The following SNTG2 variants were observed in gnomAD, a reference collection of about 807,000 sequenced individuals.
SNTG2 encodes the protein gamma-2-syntrophin.
Under a neutral mutation model 70.9 loss-of-function variants are expected in SNTG2, and 74 were observed. The ratio of observed to expected loss-of-function variants is 1.04; its 90% CI spans 0.86 to 1.27. The LOEUF (loss-of-function observed/expected upper bound fraction) is 1.27. SNTG2 is among the 50% of genes most tolerant of loss of function. The pLI, the probability that SNTG2 is intolerant of heterozygous loss-of-function variation, is 0.00. For synonymous variants in SNTG2, 278 were observed against 273.8 expected, an observed-to-expected ratio of 1.02 and a Z score of -0.15; for missense variants, 717 against 690.7, an observed-to-expected ratio of 1.04 and a Z score of -0.43.
intron 8 of SNTG2, among the ~76,000 whole-genome samples, chr2:1,192,206 C>T (rs1255366752): frequency 6.6e-6 from 1 of 152,116 alleles, no homozygotes; most frequent in Non-Finnish European, 1.5e-5. Flanking sequence ...GAGTTGGGAA[C>T]GTGGTTTCCA....
intron 9 of SNTG2, among the ~76,000 whole-genome samples, chr2:1,211,565 A>G (rs1224878745): frequency 6.6e-6 from 1 of 152,182 alleles, no homozygotes; most frequent in Non-Finnish European, 1.5e-5. Flanking sequence ...TCACAGTTCT[A>G]CATGACTGGG....
chr2:985,368 C>A (rs1377092965), intron 1 of SNTG2, among the ~76,000 whole-genome samples: 1 of 151,954 alleles, frequency 6.6e-6, no homozygotes, highest in Admixed American at 6.6e-5. Flanking sequence ...AAGATATTTT[C>A]TTCCTCTAAA....
intron 1 of SNTG2, among the ~76,000 whole-genome samples, chr2:1,046,361 G>A (rs565500129): frequency 1.3e-5 from 2 of 152,090 alleles, no homozygotes; most frequent in South Asian, 4.1e-4. Context: ...TTTACATTGA[G>A]GTTTAAGATT....
chr2:1,113,882 A>AG (rs1323853829), intron 4 of SNTG2, among the ~76,000 whole-genome samples: 18 of 149,204 alleles, frequency 1.2e-4, no homozygotes, highest in African/African-American at 4.5e-4. Flanking sequence ...CAGTCCTTTC[A>AG]GAGGGATGGT....
chr2:1,048,948 A>G (rs1014591548), intron 1 of SNTG2, among the ~76,000 whole-genome samples: 5 of 152,262 alleles, frequency 3.3e-5, no homozygotes, highest in Admixed American at 6.5e-5. Context: ...TCTATTTGTC[A>G]TCAGTCATTC....
chr2:1,259,488 CT>C, intron 13 of SNTG2, 47 bp downstream of exon 13: 1 of 1,482,434 alleles, frequency 6.7e-7, no homozygotes, highest in Admixed American at 1.7e-5. Context: ...ATAAGATGCC[CT>C]TTGGGCTTGC....
intron 1 of SNTG2, among the ~76,000 whole-genome samples, chr2:1,061,912 A>C (rs921684363): frequency 6.6e-6 from 1 of 152,232 alleles, no homozygotes; most frequent in Admixed American, 6.5e-5. Context: ...GAGATAAATA[A>C]AACAATTACT....
chr2:1,111,105 G>A (rs1464318612), intron 4 of SNTG2, among the ~76,000 whole-genome samples: 3 of 152,214 alleles, frequency 2.0e-5, no homozygotes, highest in Non-Finnish European at 4.4e-5. Flanking sequence ...CAGAGGTACA[G>A]CAGATTGAAT....
chr2:1,050,997 A>G (rs2148077914), intron 1 of SNTG2, among the ~76,000 whole-genome samples: 1 of 152,364 alleles, frequency 6.6e-6, no homozygotes, highest in South Asian at 2.1e-4. Flanking sequence ...TATTGACATA[A>G]TAAACTGATA....
chr2:1,203,397 C>G (rs544007668), intron 8 of SNTG2, among the ~76,000 whole-genome samples: 1 of 151,890 alleles, frequency 6.6e-6, no homozygotes, highest in African/African-American at 2.4e-5. Flanking sequence ...GTGGCTCACA[C>G]TTGTAATCCC....
At chr2:1,237,009 C>T (rs1676704627) in intron 9 of SNTG2, among the ~76,000 whole-genome samples, 1 of 149,028 alleles carries the variant, frequency 6.7e-6, no homozygotes, top group African/African-American at 2.5e-5. Context: ...GTGGTGTGAT[C>T]TCGGCTCACT....
chr2:1,173,018 T>C, intron 7 of SNTG2, 74 bp from the exon 8 acceptor site: 1 of 1,367,854 alleles, frequency 7.3e-7, no homozygotes, highest in Non-Finnish European at 1.0e-6. Flanking sequence ...CAGGTAGAAC[T>C]GAAGTCACTG....
intron 4 of SNTG2, among the ~76,000 whole-genome samples, chr2:1,113,506 G>T (rs112799317): frequency 3.4e-4 from 51 of 151,492 alleles, no homozygotes; most frequent in African/African-American, 1.1e-3. Context: ...AACCCTTACA[G>T]TCCTTTGACG....
intron 8 of SNTG2, among the ~76,000 whole-genome samples, chr2:1,186,385 A>G (rs1260329499): frequency 6.6e-6 from 1 of 152,132 alleles, no homozygotes; most frequent in African/African-American, 2.4e-5. Context: ...TCACTTTCAC[A>G]TTTTCAGGTA....
At chr2:1,200,559 A>C (rs1673214983) in intron 8 of SNTG2, among the ~76,000 whole-genome samples, 1 of 152,098 alleles carries the variant, frequency 6.6e-6, no homozygotes, top group Non-Finnish European at 1.5e-5. Flanking sequence ...TGCACAACAA[A>C]GGAATAATCA....
At chr2:1,008,499 C>CTG (rs1004998578) in intron 1 of SNTG2, among the ~76,000 whole-genome samples, 16 of 152,176 alleles carry the variant, frequency 1.1e-4, no homozygotes, top group African/African-American at 3.9e-4. Context: ...GGCCTTCTTA[C>CTG]TGTGAACATT....
intron 1 of SNTG2, 117 bp from the exon 2 acceptor site, chr2:1,083,401 C>A: frequency 1.0e-6 from 1 of 978,906 alleles, no homozygotes; most frequent in Non-Finnish European, 1.6e-6. Context: ...TCTGTGCACA[C>A]GCGAGCACTA....
chr2:1,084,507 C>T (rs531773439), intron 2 of SNTG2, among the ~76,000 whole-genome samples: 3 of 152,116 alleles, frequency 2.0e-5, no homozygotes, highest in Non-Finnish European at 4.4e-5. Flanking sequence ...CTCAAGGAGG[C>T]GAAGGCTCTG....
intron 16 of SNTG2, among the ~76,000 whole-genome samples, chr2:1,351,643 G>A (rs532835804): frequency 2.0e-5 from 3 of 152,284 alleles, no homozygotes; most frequent in East Asian, 1.9e-4. Flanking sequence ...CCACTCGGCC[G>A]CATCCAGCCG....
Sources: allele counts gnomAD v4.1 joint callset (sites outside exome capture counted in the v4.1 genomes callset), GRCh38; gene constraint gnomAD v4.1.1; transcripts MANE v1.5; gene names NCBI Gene and HGNC (gene_info 2026-07-23, HGNC 2026-07-21).